Variants in RGSL1 observed in about 807,000 individuals in gnomAD.
The protein encoded by RGSL1 is regulator of G protein signaling protein-like.
In RGSL1, 97 loss-of-function variants were observed where a neutral mutation model predicts 124.7. That is an observed-to-expected ratio of 0.78 (90% confidence interval 0.66 to 0.92). The LOEUF (loss-of-function observed/expected upper bound fraction) is 0.92, where lower values mean the gene tolerates loss of function less well. Ranked by LOEUF, RGSL1 falls within the 40% of genes least tolerant of loss-of-function variation. The probability of loss-of-function intolerance (pLI) is 0.00; values close to 1 mark genes in which losing one functional copy is unlikely to be tolerated. For synonymous variants in RGSL1, 424 were observed against 438.1 expected (o/e 0.97, Z 0.40); for missense variants, 1,233 against 1,288.4 (o/e 0.96, Z 0.66).
upstream of RGSL1, chr1:182,450,029 G>A (rs1651688043): frequency 2.1e-6 from 2 of 974,054 alleles, no homozygotes; most frequent in African/African-American, 1.6e-5. Flanking sequence ...TACACCAGAG[G>A]TAAGTAGATC....
chr1:182,512,313 T>C (rs536013306), intron 9 of RGSL1, among the ~76,000 whole-genome samples: 1 of 152,330 alleles, frequency 6.6e-6, no homozygotes, highest in Non-Finnish European at 1.5e-5. Context: ...TTTTATCTGA[T>C]GTAAGTATAG....
At chr1:182,511,960 G>T (rs1483761383) in intron 9 of RGSL1, among the ~76,000 whole-genome samples, 2 of 151,430 alleles carry the variant, frequency 1.3e-5, no homozygotes, top group African/African-American at 2.4e-5. Flanking sequence ...TCACTTCTTT[G>T]GTTAAATTGA....
chr1:182,540,334 C>G lies in RGSL1; in HGVS notation c.2582C>G (p.Thr861Ser). 6.4e-7 allele frequency: 1 copy of G among 1,551,420 alleles called. No individual in the cohort carries two copies. Among genetic ancestry groups the G allele is most frequent in the African/African-American group, 1.4e-5 (1 of 73,136 alleles). The change falls in exon 15 of 22, where the codon ACC (threonine) becomes AGC (serine). Residue 861 changes from threonine to serine, a missense_variant. By Grantham distance (58) the Thr-to-Ser change is moderately conservative. Coordinates refer to ENST00000294854, the MANE Select transcript of RGSL1 (RefSeq NM_001137669.2). Reference protein sequence around the residue: ...RSADQENGEITLVKRRIFGHR... With the variant: ...RSADQENGEISLVKRRIFGHR... The stretch of plus-strand genomic sequence containing the variant: ...GCAGACCAAGAGAATGGAGAAATAA[C>G]CCTTGTAAAGCGTCGTATATTTGGC...
At position 182,493,061 on chromosome 1, in the gene RGSL1, A is replaced by T; in HGVS notation, c.1757A>T (p.Asn586Ile). The T allele has an allele frequency of 1.3e-6, 2 of 1,551,754 alleles. No homozygotes were observed. The highest frequency in any genetic ancestry group is 1.7e-6 in the Non-Finnish European group (2 of 1,146,916). The change falls in exon 9 of 22, where the codon AAC becomes ATC. Residue 586 changes from asparagine to isoleucine, a missense_variant. Coordinates refer to ENST00000294854, the MANE Select transcript of RGSL1 (RefSeq NM_001137669.2). ...TCCTTTGAGGAGCTTTGCTACAAGA[A>T]CCCAAAGATGGCCATACAGAAGATC... is the stretch of plus-strand genomic sequence containing the variant. ...KMSFEELCYK[N>I]PKMAIQKISD... is the part of the protein sequence containing the mutation.
At chr1:182,465,600 T>TTAAAA (rs1471401749) in intron 4 of RGSL1, among the ~76,000 whole-genome samples, 1 of 151,900 alleles carries the variant, frequency 6.6e-6, no homozygotes, top group Non-Finnish European at 1.5e-5. Flanking sequence ...ACCCTAGAAC[T>TTAAAA]TAAAATATAA....
intron 6 of RGSL1, among the ~76,000 whole-genome samples, chr1:182,481,539 A>G (rs146926789): frequency 2.0e-5 from 3 of 152,334 alleles, no homozygotes; most frequent in African/African-American, 7.2e-5. Context: ...AATCCTTCTT[A>G]AACTCTTCCC....
At chr1:182,467,000 T>A (rs1206075968) in intron 4 of RGSL1, among the ~76,000 whole-genome samples, 2 of 152,172 alleles carry the variant, frequency 1.3e-5, no homozygotes, top group Admixed American at 1.3e-4. Flanking sequence ...AAATCATGAG[T>A]GAACTCCCAT....
At chr1:182,479,146 G>A (rs267879) in intron 6 of RGSL1, among the ~76,000 whole-genome samples, 31,997 of 152,060 alleles carry the variant, frequency 0.21, 4,156 homozygotes, top group East Asian at 0.37. Flanking sequence ...ACAAAAGCAT[G>A]TGAAAGTATA....
chr1:182,489,248 C>T (rs1405594998), intron 8 of RGSL1, 46 bp downstream of exon 8: 2 of 1,405,506 alleles, frequency 1.4e-6, no homozygotes, highest in Non-Finnish European at 2.0e-6. Context: ...ATATGGGCAA[C>T]TGGAAAATAA....
chr1:182,471,262 T>C, intron 4 of RGSL1: 1 of 457,414 alleles, frequency 2.2e-6, no homozygotes, highest in Admixed American at 2.4e-5. Flanking sequence ...CCCTCTCTTA[T>C]GGTGGAATTT....
intron 1 of RGSL1, among the ~76,000 whole-genome samples, chr1:182,451,282 C>T (rs1053064387): frequency 7.8e-6 from 1 of 128,610 alleles, no homozygotes. Flanking sequence ...TCCTCTCACA[C>T]GCTCAGTCTG....
intron 9 of RGSL1, among the ~76,000 whole-genome samples, chr1:182,519,878 A>C (rs530662): frequency 0.86 from 131,147 of 151,788 alleles, 56,980 homozygotes; most frequent in Non-Finnish European, 0.89. Context: ...TCTTACTTAT[A>C]ATCATTAAAC....
At chr1:182,559,786 C>T (rs1661070093) in intron 21 of RGSL1, among the ~76,000 whole-genome samples, 1 of 152,144 alleles carries the variant, frequency 6.6e-6, no homozygotes, top group Admixed American at 6.5e-5. Flanking sequence ...CTTTCTTCTC[C>T]ATCACACAGA....
At chr1:182,520,331 C>T (rs1658240267) in intron 9 of RGSL1, among the ~76,000 whole-genome samples, 1 of 152,158 alleles carries the variant, frequency 6.6e-6, no homozygotes. Context: ...AGGGCCTCTT[C>T]TCCTTTTGCC....
intron 9 of RGSL1, among the ~76,000 whole-genome samples, chr1:182,509,649 CGGCTGGCCGGGCGGGG>C (rs1657195617): frequency 7.9e-6 from 1 of 126,178 alleles, no homozygotes; most frequent in African/African-American, 3.1e-5. Context: ...CCGGACGGGG[CGGCTGGCCGGGCGGGG>C]GGCTGAACCC....
chr1:182,556,513 C>G (rs950399964), intron 21 of RGSL1, among the ~76,000 whole-genome samples: 2 of 152,180 alleles, frequency 1.3e-5, no homozygotes, highest in South Asian at 2.1e-4. Context: ...ACCCTGTGGG[C>G]AACCATGTCA....
At chr1:182,511,423 C>T (rs1657448674) in intron 9 of RGSL1, among the ~76,000 whole-genome samples, 1 of 152,210 alleles carries the variant, frequency 6.6e-6, no homozygotes, top group South Asian at 2.1e-4. Context: ...CTCGGCTTCC[C>T]TAAGAGCTGG....
chr1:182,497,443 T>C (rs551560863), intron 9 of RGSL1, among the ~76,000 whole-genome samples: 1 of 151,474 alleles, frequency 6.6e-6, no homozygotes, highest in African/African-American at 2.4e-5. Flanking sequence ...ATTGCTATTT[T>C]CTCTTGAAAA....
intron 9 of RGSL1, among the ~76,000 whole-genome samples, chr1:182,510,832 C>T (rs1189445558): frequency 6.6e-6 from 1 of 152,296 alleles, no homozygotes; most frequent in Middle Eastern, 3.4e-3. Flanking sequence ...GGTTATGAAT[C>T]CCTTTTCAGG....
Sources: allele counts gnomAD v4.1 joint callset (sites outside exome capture counted in the v4.1 genomes callset), GRCh38; gene constraint gnomAD v4.1.1; transcripts MANE v1.5; gene names NCBI Gene and HGNC (gene_info 2026-07-23, HGNC 2026-07-21).